SULT1E1: variants seen among roughly 807,000 people sequenced by gnomAD.
SULT1E1 encodes sulfotransferase 1E1.
SULT1E1 carries 36 observed loss-of-function variants against 33.6 expected under a neutral mutation model. The observed-to-expected ratio is 1.07, with a 90% CI of 0.82 to 1.41. The LOEUF is 1.41. Among genes scored for constraint, SULT1E1 ranks in the 40% most tolerant of loss-of-function variants. The pLI, the probability that SULT1E1 is intolerant of heterozygous loss-of-function variation, is 0.00. For missense variants in SULT1E1, 371 were observed against 345.7 expected (o/e 1.07, Z -0.58); for synonymous variants, 121 against 111.7 (o/e 1.08, Z -0.53).
chr4:69,848,345 T>G (rs11573779), intron 5 of SULT1E1, among the ~76,000 whole-genome samples: 200 of 151,888 alleles, frequency 1.3e-3, no homozygotes, highest in African/African-American at 4.5e-3. Context: ...TTAGAAATGA[T>G]GTAATATAAC....
downstream of SULT1E1, among the ~76,000 whole-genome samples, chr4:69,839,739 T>C (rs1050485871): frequency 2.6e-5 from 4 of 152,184 alleles, no homozygotes; most frequent in African/African-American, 9.6e-5. Context: ...CTCCAGTCCA[T>C]ATGGACTGTA....
chr4:69,830,421 G>A, the SULT1E1 span, among the ~76,000 whole-genome samples: 338 of 152,300 alleles, frequency 2.2e-3, 2 homozygotes, highest in African/African-American at 7.8e-3. Flanking sequence ...GTAGCCTCAG[G>A]GTTGAACAGG....
At chr4:69,845,599 T>C (rs1720957972) in intron 6 of SULT1E1, among the ~76,000 whole-genome samples, 1 of 151,266 alleles carries the variant, frequency 6.6e-6, no homozygotes, top group Non-Finnish European at 1.5e-5. Flanking sequence ...ATATATATAG[T>C]GATAATGTCT....
chr4:69,849,366 C>A (rs755723061), intron 5 of SULT1E1, 71 bp downstream of exon 5: 1 of 1,555,756 alleles, frequency 6.4e-7, no homozygotes, highest in Non-Finnish European at 8.7e-7. Context: ...CAGTTAAAAA[C>A]TTTTACTTGG....
At chr4:69,835,317 T>G in the SULT1E1 span, among the ~76,000 whole-genome samples, 1 of 152,240 alleles carries the variant, frequency 6.6e-6, no homozygotes, top group African/African-American at 2.4e-5. Flanking sequence ...TTAATTTATG[T>G]GGCATTACAT....
At chr4:69,845,818 A>C (rs1720965653) in intron 6 of SULT1E1, among the ~76,000 whole-genome samples, 1 of 151,274 alleles carries the variant, frequency 6.6e-6, no homozygotes. Context: ...CAATGTCATT[A>C]ATAGTCTAAT....
chr4:69,847,697 C>G lies in SULT1E1; in HGVS notation c.591+1G>C. 2 of 1,593,564 alleles carry G rather than the reference C, an allele frequency of 1.3e-6. No individual in the cohort carries two copies. The highest frequency in any genetic ancestry group is 1.7e-6 in the Non-Finnish European group (2 of 1,168,110). Reference sequence around the variant, plus strand: ...TTGCTTATGTGTTCCCAGTTCCTCACCTCTTTCAGGTCTTCGTAGAAAAGA... The same window carrying G: ...TTGCTTATGTGTTCCCAGTTCCTCAGCTCTTTCAGGTCTTCGTAGAAAAGA... On this transcript the variant is annotated splice_donor_variant, in intron 6 of 7. Transcript: ENST00000226444. LOFTEE classifies it high-confidence loss of function.
the SULT1E1 span, among the ~76,000 whole-genome samples, chr4:69,828,398 C>T: frequency 6.6e-6 from 1 of 152,176 alleles, no homozygotes; most frequent in Admixed American, 6.5e-5. Context: ...ACCATGAACC[C>T]ACCAGGAGGA....
chr4:69,831,724 G>T, the SULT1E1 span, among the ~76,000 whole-genome samples: 2 of 152,152 alleles, frequency 1.3e-5, no homozygotes, highest in East Asian at 1.9e-4. Flanking sequence ...TATTACGGGA[G>T]TTTTCAGATG....
chr4:69,842,256 CT>C (rs1720898593), intron 7 of SULT1E1, 150 bp from the exon 8 acceptor site: 3 of 537,142 alleles, frequency 5.6e-6, no homozygotes, highest in Non-Finnish European at 9.6e-6. Context: ...TAATGATATA[CT>C]TTTTTGGGCT....
intron 5 of SULT1E1, 65 bp downstream of exon 5, chr4:69,849,372 C>T (rs1413625107): frequency 6.4e-7 from 1 of 1,562,826 alleles, no homozygotes; most frequent in Admixed American, 1.9e-5. Context: ...AAAACTTTTA[C>T]TTGGAGATGG....
chr4:69,856,615 A>G (rs1159541277), intron 2 of SULT1E1, among the ~76,000 whole-genome samples: 3 of 152,150 alleles, frequency 2.0e-5, no homozygotes, highest in Non-Finnish European at 4.4e-5. Context: ...TAGGGAAGAA[A>G]ATAAAGAAGC....
chr4:69,842,723 G>T (rs1272416970), intron 7 of SULT1E1, among the ~76,000 whole-genome samples: 1 of 152,042 alleles, frequency 6.6e-6, no homozygotes, highest in Non-Finnish European at 1.5e-5. Flanking sequence ...TTCTGCTACT[G>T]CCAGCCAGAG....
chr4:69,825,036 C>T, the SULT1E1 span, among the ~76,000 whole-genome samples: 19 of 152,240 alleles, frequency 1.2e-4, no homozygotes, highest in African/African-American at 2.2e-4. Flanking sequence ...TCAGTGAGAC[C>T]GCTAACCCAC....
the SULT1E1 span, among the ~76,000 whole-genome samples, chr4:69,822,617 A>C: frequency 6.6e-6 from 1 of 152,198 alleles, no homozygotes; most frequent in Non-Finnish European, 1.5e-5. Context: ...AAAAGGAGTC[A>C]AGAATTACTC....
the SULT1E1 span, among the ~76,000 whole-genome samples, chr4:69,829,945 C>A: frequency 6.6e-6 from 1 of 152,196 alleles, no homozygotes; most frequent in Non-Finnish European, 1.5e-5. Flanking sequence ...TCATATCCCT[C>A]AGCCCCTGCC....
At chr4:69,822,195 A>G in the SULT1E1 span, among the ~76,000 whole-genome samples, 340 of 152,340 alleles carry the variant, frequency 2.2e-3, 7 homozygotes, top group African/African-American at 7.9e-3. Context: ...ACAATGAAAC[A>G]GATCAGGGTA....
At chr4:69,855,482 T>C in intron 2 of SULT1E1, 56 bp from the exon 3 acceptor site, 2 of 1,523,914 alleles carry the variant, frequency 1.3e-6, no homozygotes, top group Non-Finnish European at 1.8e-6. Context: ...TTGATGACAT[T>C]AGTGCTGCAT....
intron 6 of SULT1E1, among the ~76,000 whole-genome samples, chr4:69,846,305 C>CAAAAAAAAAAAAAAAAAAAAAGA (rs34408656): frequency 9.3e-6 from 1 of 107,040 alleles, no homozygotes; most frequent in Non-Finnish European, 1.9e-5. Context: ...ACAAAACAAT[C>CAAAAAAAAAAAAAAAAAAAAAGA]AAAAAAAAAA....
Sources: allele counts gnomAD v4.1 joint callset (sites outside exome capture counted in the v4.1 genomes callset), GRCh38; gene constraint gnomAD v4.1.1; transcripts MANE v1.5; gene names NCBI Gene and HGNC (gene_info 2026-07-23, HGNC 2026-07-21).